Variants in SYNJ2 observed in about 807,000 individuals in gnomAD.
The protein encoded by SYNJ2 is polyphosphatidylinositol phosphatase SYNJ2.
In SYNJ2, 116 loss-of-function variants were observed where a neutral mutation model predicts 141.3. The ratio of observed to expected loss-of-function variants is 0.82; its 90% CI spans 0.71 to 0.96. The LOEUF (loss-of-function observed/expected upper bound fraction) is 0.96, where lower values mean the gene tolerates loss of function less well. Among genes scored for constraint, SYNJ2 ranks in the 40% least tolerant of loss-of-function variants. SYNJ2 has a pLI of 0.00. For synonymous variants in SYNJ2, 745 were observed against 777.7 expected, an observed-to-expected ratio of 0.96 and a Z score of 0.70; for missense variants, 1,873 against 1,934.8, an observed-to-expected ratio of 0.97 and a Z score of 0.60.
chr6:158,075,230 T>C (rs7766440), intron 16 of SYNJ2, among the ~76,000 whole-genome samples: 107,228 of 151,394 alleles, frequency 0.71, 38,197 homozygotes, highest in East Asian at 0.88. Context: ...CCATGCCCGG[T>C]CAACCTTCTC....
intron 1 of SYNJ2, among the ~76,000 whole-genome samples, chr6:157,998,169 GCAGGTGGCTGCACACA>G (rs1216466865): frequency 6.6e-6 from 1 of 152,242 alleles, no homozygotes; most frequent in Non-Finnish European, 1.5e-5. Context: ...GGCAGTTTTT[GCAGGTGGCTGCACACA>G]CAGGTGTCCT....
At chr6:158,015,837 C>A (rs1389483450) in intron 1 of SYNJ2, among the ~76,000 whole-genome samples, 1 of 152,072 alleles carries the variant, frequency 6.6e-6, no homozygotes, top group Non-Finnish European at 1.5e-5. Context: ...TATTTATTTT[C>A]TTGATTTTTA....
At chr6:158,067,802 G>A in intron 12 of SYNJ2, 2 of 985,270 alleles carry the variant, frequency 2.0e-6, no homozygotes, top group African/African-American at 1.7e-5. Flanking sequence ...GGGGCTCTCT[G>A]TGTCGGTGGT....
chr6:158,078,069 G>A (rs1261967309), intron 17 of SYNJ2, 95 bp from the exon 18 acceptor site: 10 of 776,914 alleles, frequency 1.3e-5, no homozygotes, highest in Non-Finnish European at 2.0e-5. Context: ...GGGGTGGTTC[G>A]TGGCGCAGAC....
At chr6:158,073,358 C>T (rs1429547981) in intron 15 of SYNJ2, among the ~76,000 whole-genome samples, 1 of 151,896 alleles carries the variant, frequency 6.6e-6, no homozygotes. Context: ...CCACCAGGCC[C>T]AACTAGTTTT....
In SYNJ2 at chr6:158,095,713, CCCT is replaced by C. The variant is rs765802644; in HGVS notation, c.3842_3844del (p.Pro1281del). 6.1e-5 allele frequency: 98 copies of C among 1,614,094 alleles called. No individual in the cohort carries two copies. The highest frequency in any genetic ancestry group is 8.0e-5 in the Non-Finnish European group (94 of 1,180,050). Reference sequence around the variant, plus strand: ...TTGAGGCCCCTCCTGTCGTGACAGCCCCTCGAGTCCCTCCTGTTCCCAAACCAA... The same window carrying C: ...TTGAGGCCCCTCCTGTCGTGACAGCCCGAGTCCCTCCTGTTCCCAAACCAA... On this transcript the variant is annotated inframe_deletion, in exon 27 of 27. Transcript: ENST00000355585.
At position 158,081,458 on chromosome 6, in the gene SYNJ2, C is replaced by T. The variant is rs575125867; in HGVS notation, c.2813C>T (p.Thr938Ile). The change falls in exon 20 of 27, where the codon ACT becomes ATT. Residue 938 changes from threonine (T) to isoleucine (I), a missense_variant. Thr to Ile is a moderately conservative substitution (Grantham distance 89). Coordinates refer to ENST00000355585, the MANE Select transcript of SYNJ2 (RefSeq NM_003898.4). ...VRINQGQMLV[T>I]FADSHSALSV... ...ATCAACCAAGGGCAGATGCTGGTAA[C>T]TTTTGCAGACAGTCACTCGGCTCTC... is the stretch of plus-strand genomic sequence containing the variant. The T allele has an allele frequency of 6.9e-5, 111 of 1,614,010 alleles. 2 individuals are homozygous for T. The South Asian group carries it at 1.1e-3, about 16-fold the overall frequency.
At position 158,083,508 on chromosome 6, in the gene SYNJ2, G is replaced by A. The variant is rs183505020; in HGVS notation, c.2945G>A (p.Arg982Gln). The change falls in exon 21 of 27, where the codon CGA (arginine) becomes CAA (glutamine). Residue 982 changes from arginine to glutamine, a missense_variant. Physicochemically the swap from Arg to Gln is conservative, Grantham distance 43. Transcript: ENST00000355585. ...TTGCGAGAGGAGATCATTCGGAAAC[G>A]AGACAGCATGGCCCCCGTGTCTCCC... Reference protein sequence around the residue: ...KGLREEIIRKRDSMAPVSPTA... With the variant: ...KGLREEIIRKQDSMAPVSPTA... 3.0e-5 allele frequency: 48 copies of A among 1,614,180 alleles called. No homozygotes were observed. Among genetic ancestry groups the A allele is most frequent in the Middle Eastern group, 1.6e-4 (1 of 6,062 alleles).
chr6:157,981,925 G>A lies in SYNJ2; in HGVS notation c.-37G>A. 8.2e-7 allele frequency: 1 copy of A among 1,223,570 alleles called. No homozygotes were observed. Among genetic ancestry groups the A allele is most frequent in the Non-Finnish European group, 1.0e-6 (1 of 982,110 alleles). The allele number at this position is 1,223,570 out of a possible 1,614,324, so 75.8% of individuals were successfully genotyped here. On this transcript the variant is annotated 5_prime_UTR_variant, in exon 1 of 27. It adds an upstream start codon to the 5' untranslated region. Transcript: ENST00000355585. The surrounding 1 kb of genome is among the most constrained non-coding windows in gnomAD (Gnocchi z 6.4). ...GCGGGCAGCGCGCCCTCGGGAGGACGTGGCCCCGGCCCCCGCCCGCAGTGG... is the reference window on the plus strand; with the variant it reads ...GCGGGCAGCGCGCCCTCGGGAGGACATGGCCCCGGCCCCCGCCCGCAGTGG...
chr6:158,054,999 C>A lies in SYNJ2; in HGVS notation c.828C>A (p.Gly276=), dbSNP rs1207073101. 2.5e-6 allele frequency: 4 copies of A among 1,614,046 alleles called. No homozygotes were observed. Among genetic ancestry groups the A allele is most frequent in the Non-Finnish European group, 3.4e-6 (4 of 1,180,020 alleles). Residue 276 remains glycine (G), a synonymous_variant, in exon 6 of 27, where the codon GGC becomes GGA. Transcript: ENST00000355585. ...CCCATCATCTGAGACTCCACAGAGG[C>A]CTGGAAGCCAATGCCCCTGCTTTCG... ...VGSHHLRLHR[G]LEANAPAFDR... is the part of the protein sequence containing the mutation.
Position 158,040,651 on chromosome 6 carries a change from G to T in SYNJ2, c.712-2665G>T, listed in dbSNP as rs1182368110. On this transcript the variant is annotated intron_variant, in intron 4 of 26. Coordinates refer to ENST00000355585, the MANE Select transcript of SYNJ2 (RefSeq NM_003898.4). This position sits in a 1 kb window ranked among gnomAD's most constrained non-coding sequence, Gnocchi z 4.2. Reference sequence around the variant, plus strand: ...AGGAATGCAGACTTGGAGATAATTGGTTTGCAGACACTGTATCTGGAAGCA... The same window carrying T: ...AGGAATGCAGACTTGGAGATAATTGTTTTGCAGACACTGTATCTGGAAGCA... Among the ~76,000 whole-genome samples, 1 of 152,216 alleles carries T rather than the reference G, an allele frequency of 6.6e-6. No homozygotes were observed. The highest frequency in any genetic ancestry group is 1.5e-5 in the Non-Finnish European group (1 of 68,034).
At chr6:158,069,730 T>A in intron 14 of SYNJ2, 57 bp downstream of exon 14, 4 of 1,525,902 alleles carry the variant, frequency 2.6e-6, no homozygotes, top group Non-Finnish European at 3.5e-6. Context: ...GTCTTTGTGT[T>A]TTGTTCTTTG....
intron 1 of SYNJ2, among the ~76,000 whole-genome samples, chr6:157,998,244 G>A (rs536952434): frequency 6.6e-6 from 1 of 152,338 alleles, no homozygotes; most frequent in African/African-American, 2.4e-5. Flanking sequence ...TCCCCAAGGA[G>A]CCAGAATCCC....
rs961648809 is a variant in SYNJ2 at position 158,080,921 on chromosome 6, T to C, written c.2568-188T>C. On this transcript the variant is annotated intron_variant, in intron 18 of 26. Coordinates refer to ENST00000355585, the MANE Select transcript of SYNJ2 (RefSeq NM_003898.4). ...CAGAGCAGGGCAGCTAGCCTGCAAA[T>C]CCACCTGCTGGTGGCCACATTCGCA... is the stretch of plus-strand genomic sequence containing the variant. Among the ~76,000 whole-genome samples, 4 of 152,222 alleles carry C rather than the reference T, an allele frequency of 2.6e-5. No homozygotes were observed. The East Asian group carries it at 7.7e-4, about 29-fold the overall frequency.
rs768704530 is a variant in SYNJ2, at chr6:158,076,719, C to T, written c.2386C>T (p.Arg796Cys). The change falls in exon 17 of 27, where the codon CGC (arginine) becomes TGC (cysteine). Residue 796 changes from arginine (R) to cysteine (C), a missense_variant. Physicochemically the swap from Arg to Cys is radical, Grantham distance 180 (BLOSUM62 -3). Coordinates refer to ENST00000355585, the MANE Select transcript of SYNJ2 (RefSeq NM_003898.4). ...CGCCTACGATACAAGCGACAAATGCCGCACCCCCGCCTGGACAGACAGGGT... is the reference window on the plus strand; with the variant it reads ...CGCCTACGATACAAGCGACAAATGCTGCACCCCCGCCTGGACAGACAGGGT... The part of the protein sequence containing the change: ...SAAYDTSDKC[R>C]TPAWTDRVLW... The T allele has an allele frequency of 3.1e-6, 5 of 1,614,192 alleles. No individual in the cohort carries two copies. Among genetic ancestry groups the T allele is most frequent in the South Asian group, 1.1e-5 (1 of 91,082 alleles).
intron 1 of SYNJ2, among the ~76,000 whole-genome samples, chr6:157,993,697 C>G (rs951286874): frequency 1.0e-4 from 9 of 87,900 alleles, no homozygotes; most frequent in Non-Finnish European, 1.5e-4. Context: ...ACATAACTTT[C>G]ATTCTTGCAT....
intron 2 of SYNJ2, among the ~76,000 whole-genome samples, chr6:158,023,309 A>G (rs1203704552): frequency 6.6e-6 from 1 of 151,780 alleles, no homozygotes; most frequent in Admixed American, 6.6e-5. Context: ...CATGGTATAC[A>G]GAGAACACAG....
rs1010694028 is a variant in SYNJ2, at chr6:158,043,066, A to G, written c.712-250A>G. Among the ~76,000 whole-genome samples the G allele has an allele frequency of 1.3e-5, 2 of 152,136 alleles. No individual in the cohort carries two copies. Among genetic ancestry groups the G allele is most frequent in the African/African-American group, 4.8e-5 (2 of 41,434 alleles). Reference sequence around the variant, plus strand: ...GTGCCCTAGAAGTGTGAATTCCCGGAGACCCTGGGAGGCCCCAACCCCCAG... The same window carrying G: ...GTGCCCTAGAAGTGTGAATTCCCGGGGACCCTGGGAGGCCCCAACCCCCAG... On this transcript the variant is annotated intron_variant, in intron 4 of 26. Coordinates refer to ENST00000355585, the MANE Select transcript of SYNJ2 (RefSeq NM_003898.4). This position sits in a 1 kb window ranked among gnomAD's most constrained non-coding sequence, Gnocchi z 4.0.
chr6:158,001,909 T>C (rs1410564325), intron 1 of SYNJ2, among the ~76,000 whole-genome samples: 1 of 152,128 alleles, frequency 6.6e-6, no homozygotes, highest in Admixed American at 6.5e-5. Context: ...AAACCCTCTC[T>C]TGACCCTGGC....
Sources: allele counts gnomAD v4.1 joint callset (sites outside exome capture counted in the v4.1 genomes callset), GRCh38; gene constraint gnomAD v4.1.1; non-coding constraint Gnocchi (gnomAD v3.1); transcripts MANE v1.5; gene names NCBI Gene and HGNC (gene_info 2026-07-23, HGNC 2026-07-21).